The following ASXL3 variants were observed in gnomAD, a reference collection of about 807,000 sequenced individuals.
The protein encoded by ASXL3 is putative Polycomb group protein ASXL3.
ASXL3 carries 34 observed loss-of-function variants against 170.6 expected under a neutral mutation model. The ratio of observed to expected loss-of-function variants is 0.20; its 90% CI spans 0.15 to 0.27. The LOEUF is 0.27. ASXL3 is among the 10% of genes least tolerant of loss of function. ASXL3 has a pLI of 1.00. For missense variants in ASXL3, 2,592 were observed against 2,695.3 expected (o/e 0.96, Z 0.85); for synonymous variants, 1,002 against 989.1 (o/e 1.01, Z -0.24).
In ASXL3 at chr18:33,739,970, G is replaced by C. The variant is rs1380181133; in HGVS notation, c.2566G>C (p.Ala856Pro). ...CTACCCTGCTTCAATTCCAGAACTT[G>C]CTTCTACTGAAATGATAAAAGTTAA... is the stretch of plus-strand genomic sequence containing the variant. ...KPYPASIPEL[A>P]STEMIKVKNH... The change falls in exon 11 of 12, where the codon GCT becomes CCT. Residue 856 changes from alanine (A) to proline (P), a missense_variant. Around this residue, in one of 4 missense-constraint regions of ASXL3, gnomAD observed 2,246 missense variants for 2,219.6 expected, o/e 1.01. Coordinates refer to ENST00000269197, the MANE Select transcript of ASXL3 (RefSeq NM_030632.3). 2.5e-6 allele frequency: 4 copies of C among 1,613,814 alleles called. No individual in the cohort carries two copies. The highest frequency in any genetic ancestry group is 3.4e-6 in the Non-Finnish European group (4 of 1,179,840).
At chr18:33,673,661 C>G (rs888681208) in intron 7 of ASXL3, among the ~76,000 whole-genome samples, 1 of 152,082 alleles carries the variant, frequency 6.6e-6, no homozygotes, top group African/African-American at 2.4e-5. Context: ...CCATGCCTGG[C>G]CCAGGATTTC....
chr18:33,726,292 C>A (rs1428940262), intron 8 of ASXL3, among the ~76,000 whole-genome samples: 1 of 152,140 alleles, frequency 6.6e-6, no homozygotes, highest in Non-Finnish European at 1.5e-5. Flanking sequence ...TTCACGCTGC[C>A]TCCAGTGCGG....
chr18:33,714,732 C>CT (rs1440300280), intron 8 of ASXL3, among the ~76,000 whole-genome samples: 1 of 152,084 alleles, frequency 6.6e-6, no homozygotes, highest in African/African-American at 2.4e-5. Context: ...GCCCCCAACT[C>CT]TTCCCCCATT....
At position 33,739,222 on chromosome 18, in the gene ASXL3, C is replaced by A; in HGVS notation, c.1818C>A (p.Ala606=). ...SDPEEQLSEN[A]CISETSFSSE... ...CTGAAGAACAGCTTTCAGAAAATGC[C>A]TGCATCTCTGAAACGTCCTTTTCTT... Residue 606 remains alanine, a synonymous_variant, in exon 11 of 12, where the codon GCC becomes GCA. Coordinates refer to ENST00000269197, the MANE Select transcript of ASXL3 (RefSeq NM_030632.3). The A allele has an allele frequency of 6.2e-7, 1 of 1,613,826 alleles. No homozygotes were observed. The highest frequency in any genetic ancestry group is 1.1e-5 in the South Asian group (1 of 91,054).
Position 33,661,654 on chromosome 18 carries a change from C to G in ASXL3, c.394C>G (p.Arg132Gly), listed in dbSNP as rs747032112. ...GGTAACTGATGAAGCATCTTCCACT[C>G]GAGATTCAAGCCTTACTAACACAGC... is the stretch of plus-strand genomic sequence containing the variant. ...KQVTDEASST[R>G]DSSLTNTAVQ... Residue 132 changes from arginine (R) to glycine (G), a missense_variant, in exon 5 of 12, where the codon CGA (arginine) becomes GGA (glycine). Arg to Gly is a moderately radical substitution (Grantham distance 125). Coordinates refer to ENST00000269197, the MANE Select transcript of ASXL3 (RefSeq NM_030632.3). 3.1e-6 allele frequency: 5 copies of G among 1,611,896 alleles called. No homozygotes were observed. The Admixed American group carries it at 6.7e-5, about 22-fold the overall frequency.
In ASXL3 at chr18:33,740,375, A is replaced by T; in HGVS notation, c.2971A>T (p.Ile991Leu). ...AGAAGATGATCAGTCAACCCGGAAC[A>T]TATCATCTAGCAGCCCACCTGAGAA... ...RIEDDQSTRN[I>L]SSSSPPEKEQ... The change falls in exon 11 of 12, where the codon ATA becomes TTA. Residue 991 changes from isoleucine (I) to leucine (L), a missense_variant. This residue lies in a region of ASXL3 where 2,246 missense variants were observed against 2,219.6 expected (regional missense o/e 1.01). Transcript: ENST00000269197. 6.2e-7 allele frequency: 1 copy of T among 1,608,504 alleles called. No individual in the cohort carries two copies. The highest frequency in any genetic ancestry group is 8.5e-7 in the Non-Finnish European group (1 of 1,177,862).
At chr18:33,627,611 C>T (rs911036312) in intron 2 of ASXL3, among the ~76,000 whole-genome samples, 3 of 152,084 alleles carry the variant, frequency 2.0e-5, no homozygotes, top group Admixed American at 6.6e-5. Flanking sequence ...AGCATGATGA[C>T]ATTAATAAAT....
chr18:33,724,953 A>C (rs1162718223), intron 8 of ASXL3, among the ~76,000 whole-genome samples: 3 of 152,128 alleles, frequency 2.0e-5, no homozygotes, highest in African/African-American at 7.2e-5. Flanking sequence ...GTTATTCTAA[A>C]GAATAATATT....
rs1370005622 is a variant in ASXL3, at chr18:33,746,667, A to G, written c.*72A>G. 4 of 1,497,046 alleles carry G rather than the reference A, an allele frequency of 2.7e-6. No individual in the cohort carries two copies. Among genetic ancestry groups the G allele is most frequent in the East Asian group, 2.3e-5 (1 of 43,810 alleles). 92.7% of individuals were successfully genotyped at this position (1,497,046 alleles called of 1,614,324 possible). ...AATAGCATCAGCAACAACAAATAGA[A>G]TAATGCAGTGGTTTCTATCATGCTA... On this transcript the variant is annotated 3_prime_UTR_variant, in exon 12 of 12. Transcript: ENST00000269197.
At chr18:33,629,229 G>A (rs1305335976) in intron 2 of ASXL3, among the ~76,000 whole-genome samples, 3 of 152,088 alleles carry the variant, frequency 2.0e-5, no homozygotes, top group Admixed American at 6.6e-5. Context: ...TCCTGACTTA[G>A]CTTTAGTGAG....
At chr18:33,580,354 A>G (rs2064981773) in intron 1 of ASXL3, among the ~76,000 whole-genome samples, 1 of 152,222 alleles carries the variant, frequency 6.6e-6, no homozygotes, top group South Asian at 2.1e-4. Context: ...TTGCTCGGCC[A>G]TTAATTCAGA....
At chr18:33,596,527 T>A (rs1261703701) in intron 1 of ASXL3, among the ~76,000 whole-genome samples, 1 of 152,178 alleles carries the variant, frequency 6.6e-6, no homozygotes, top group Non-Finnish European at 1.5e-5. Context: ...TATAACAAAG[T>A]CATTTTATAC....
At position 33,597,793 on chromosome 18, in the gene ASXL3, C is replaced by CAA. The variant is rs34304405; in HGVS notation, c.55-9789_55-9788dup. Among the ~76,000 whole-genome samples, 27 of 132,590 alleles carry CAA rather than the reference C, an allele frequency of 2.0e-4. No homozygotes were observed. The East Asian group carries it at 2.1e-3, about 10-fold the overall frequency. 87.0% of individuals were successfully genotyped at this position (132,590 alleles called of 152,430 possible). On this transcript the variant is annotated intron_variant, in intron 1 of 11. Transcript: ENST00000269197. ...ATTGGTGTCTCAGTTCTCTCATCTA[C>CAA]AAAAAAAAAAAAACAAAAAAAACAA... is the stretch of plus-strand genomic sequence containing the variant.
chr18:33,667,975 A>C (rs2066284927), intron 5 of ASXL3, among the ~76,000 whole-genome samples: 2 of 152,198 alleles, frequency 1.3e-5, no homozygotes, highest in Non-Finnish European at 2.9e-5. Context: ...ATGTAAGGTA[A>C]ACTCTGCTAA....
intron 5 of ASXL3, among the ~76,000 whole-genome samples, chr18:33,662,195 G>A (rs770759018): frequency 2.6e-5 from 4 of 152,172 alleles, no homozygotes; most frequent in Non-Finnish European, 5.9e-5. Context: ...ATTCATTTAT[G>A]AGTGTTGTTT....
intron 2 of ASXL3, among the ~76,000 whole-genome samples, chr18:33,631,577 G>T (rs2065678081): frequency 1.3e-5 from 2 of 151,362 alleles, no homozygotes; most frequent in Admixed American, 1.3e-4. Flanking sequence ...TATAAGAAAA[G>T]AATATAATAT....
rs1346835252 is a variant in ASXL3, at chr18:33,743,265, T to G, written c.3417T>G (p.Pro1139=). The change falls in exon 12 of 12, where the codon CCT becomes CCG. Residue 1139 remains proline, a synonymous_variant. Coordinates refer to ENST00000269197, the MANE Select transcript of ASXL3 (RefSeq NM_030632.3). ...LPPPLSSKEG[P]PNLEVSSTPE... ...CTCCGCTCAGCTCAAAGGAAGGGCC[T>G]CCAAACTTAGAAGTCTCTTCTACCC... is the stretch of plus-strand genomic sequence containing the variant. The G allele has an allele frequency of 6.2e-7, 1 of 1,613,876 alleles. No homozygotes were observed. Among genetic ancestry groups the G allele is most frequent in the South Asian group, 1.1e-5 (1 of 91,072 alleles).
chr18:33,724,887 CT>C (rs1168128765), intron 8 of ASXL3, among the ~76,000 whole-genome samples: 5 of 152,082 alleles, frequency 3.3e-5, no homozygotes, highest in Non-Finnish European at 7.4e-5. Context: ...GATCTATCTC[CT>C]TTAGGGAATC....
In ASXL3 at chr18:33,601,785, G is replaced by GTTTATATATATATATATA. The variant is rs376654969; in HGVS notation, c.55-5808_55-5807insTTATATATATATATATAT. 1.1e-4 allele frequency among the ~76,000 whole-genome samples: 11 copies of GTTTATATATATATATATA among 103,952 alleles called. No homozygotes were observed. In the East Asian group the frequency reaches 1.3e-3, roughly 12 times the overall value. 68.2% of individuals were successfully genotyped at this position (103,952 alleles called of 152,430 possible). On this transcript the variant is annotated intron_variant, in intron 1 of 11. Transcript: ENST00000269197. Reference sequence around the variant, plus strand: ...TGAGAATTTAAGTAAATATCTGATTGTATATATATAGTTTGTTTGTTTTGA... The same window carrying GTTTATATATATATATATA: ...TGAGAATTTAAGTAAATATCTGATTGTTTATATATATATATATATATATATATAGTTTGTTTGTTTTGA...
Sources: allele counts gnomAD v4.1 joint callset (sites outside exome capture counted in the v4.1 genomes callset), GRCh38; gene constraint gnomAD v4.1.1; regional missense constraint gnomAD v4.1.1; transcripts MANE v1.5; gene names NCBI Gene and HGNC (gene_info 2026-07-23, HGNC 2026-07-21).